ZFAND3: variants seen among roughly 807,000 people sequenced by gnomAD.
ZFAND3 encodes the protein AN1-type zinc finger protein 3.
ZFAND3 carries 10 observed loss-of-function variants against 29.6 expected under a neutral mutation model. The observed-to-expected ratio is 0.34, with a 90% CI of 0.21 to 0.57. The LOEUF (loss-of-function observed/expected upper bound fraction) is 0.57. ZFAND3 is among the 20% of genes least tolerant of loss of function. The pLI is 0.86. For synonymous variants in ZFAND3, 128 were observed against 112.6 expected (o/e 1.14, Z -0.87); for missense variants, 230 against 304.5 (o/e 0.76, Z 1.82).
chr6:37,910,221 A>C (rs2127404653), intron 1 of ZFAND3, among the ~76,000 whole-genome samples: 1 of 152,356 alleles, frequency 6.6e-6, no homozygotes, highest in South Asian at 2.1e-4. Context: ...GTTACTTGAC[A>C]GTTCCTTGCC....
intron 1 of ZFAND3, among the ~76,000 whole-genome samples, chr6:37,834,795 AAT>A (rs1357424349): frequency 2.0e-5 from 3 of 151,692 alleles, no homozygotes; most frequent in African/African-American, 7.3e-5. Context: ...ATGCATATAT[AAT>A]GATATATGCT....
At chr6:37,916,533 G>C (rs1360682542) in intron 1 of ZFAND3, among the ~76,000 whole-genome samples, 1 of 152,104 alleles carries the variant, frequency 6.6e-6, no homozygotes, top group East Asian at 1.9e-4. Flanking sequence ...GGTGGCACGT[G>C]CCTGTAATCC....
At chr6:37,845,143 A>G (rs1287197064) in intron 1 of ZFAND3, among the ~76,000 whole-genome samples, 1 of 152,096 alleles carries the variant, frequency 6.6e-6, no homozygotes, top group Non-Finnish European at 1.5e-5. Context: ...GCCCAGATTC[A>G]AGAGAAGGAG....
intron 2 of ZFAND3, among the ~76,000 whole-genome samples, chr6:37,977,778 T>G (rs1205852764): frequency 8.8e-6 from 1 of 113,256 alleles, no homozygotes; most frequent in African/African-American, 4.0e-5. Context: ...GAGTTTTTTG[T>G]TTTTTTTTTT....
At chr6:38,042,772 A>T (rs527313089) in intron 2 of ZFAND3, among the ~76,000 whole-genome samples, 240 of 152,320 alleles carry the variant, frequency 1.6e-3, no homozygotes, top group African/African-American at 5.5e-3. Context: ...AACTAGGTTT[A>T]TAGGGTGTAT....
chr6:37,835,513 A>G (rs1332570151), intron 1 of ZFAND3, among the ~76,000 whole-genome samples: 1 of 146,568 alleles, frequency 6.8e-6, no homozygotes, highest in Non-Finnish European at 1.5e-5. Flanking sequence ...CCTTTTTTAG[A>G]TAGCATGTAC....
At chr6:37,896,562 C>CTTTCTTTCTTTCTT (rs1554153806) in intron 1 of ZFAND3, among the ~76,000 whole-genome samples, 1 of 135,340 alleles carries the variant, frequency 7.4e-6, no homozygotes, top group Non-Finnish European at 1.6e-5. Context: ...TTCTTTCTTT[C>CTTTCTTTCTTTCTT]TTTCTTTCTC....
At chr6:38,053,331 G>A (rs1350575946) in intron 2 of ZFAND3, among the ~76,000 whole-genome samples, 1 of 146,844 alleles carries the variant, frequency 6.8e-6, no homozygotes, top group Non-Finnish European at 1.5e-5. Context: ...CAATCATTGT[G>A]GTTGCTTTGT....
intron 4 of ZFAND3, among the ~76,000 whole-genome samples, chr6:38,097,237 G>T (rs1370856311): frequency 6.7e-6 from 1 of 148,526 alleles, no homozygotes; most frequent in Admixed American, 6.7e-5. Context: ...CAGCACACCC[G>T]GTTAATTTTT....
At chr6:37,988,771 A>G (rs1165633257) in intron 2 of ZFAND3, among the ~76,000 whole-genome samples, 1 of 151,990 alleles carries the variant, frequency 6.6e-6, no homozygotes, top group African/African-American at 2.4e-5. Flanking sequence ...CCTCCTTCCA[A>G]CATTATTGAA....
intron 4 of ZFAND3, among the ~76,000 whole-genome samples, chr6:38,101,413 G>T (rs1000378606): frequency 3.9e-5 from 6 of 152,174 alleles, no homozygotes; most frequent in Non-Finnish European, 7.4e-5. Flanking sequence ...GGCACTCTGT[G>T]TCATAATATA....
chr6:38,076,855 T>G (rs898312260), intron 3 of ZFAND3, among the ~76,000 whole-genome samples: 1 of 152,164 alleles, frequency 6.6e-6, no homozygotes, highest in Non-Finnish European at 1.5e-5. Context: ...GGTTGGAGAT[T>G]AGGGTTTTCT....
chr6:37,907,726 T>C (rs1765435025), intron 1 of ZFAND3, among the ~76,000 whole-genome samples: 1 of 152,238 alleles, frequency 6.6e-6, no homozygotes, highest in African/African-American at 2.4e-5. Flanking sequence ...CAACTTTTTA[T>C]TTTGAAAAAT....
At chr6:38,084,187 T>C (rs545116496) in intron 4 of ZFAND3, among the ~76,000 whole-genome samples, 1 of 152,274 alleles carries the variant, frequency 6.6e-6, no homozygotes, top group South Asian at 2.1e-4. Context: ...CTAACCAGAC[T>C]GTGGAAAAGC....
chr6:38,011,325 G>A (rs1229806520), intron 2 of ZFAND3, among the ~76,000 whole-genome samples: 1 of 152,070 alleles, frequency 6.6e-6, no homozygotes, highest in African/African-American at 2.4e-5. Context: ...GTAGAATTTT[G>A]GGGTTGTATG....
intron 1 of ZFAND3, among the ~76,000 whole-genome samples, chr6:37,894,575 T>A (rs1026827654): frequency 6.6e-6 from 1 of 152,146 alleles, no homozygotes; most frequent in Admixed American, 6.5e-5. Context: ...TCTCTCTATG[T>A]TGTCCAGGCT....
intron 2 of ZFAND3, among the ~76,000 whole-genome samples, chr6:37,942,359 G>C (rs1761826447): frequency 6.6e-6 from 1 of 151,948 alleles, no homozygotes; most frequent in Admixed American, 6.6e-5. Flanking sequence ...AAATTTAAAA[G>C]TTTGTCATTA....
chr6:38,152,532 T>A lies in ZFAND3; in HGVS notation c.*143T>A. 1 of 1,355,438 alleles carries A rather than the reference T, an allele frequency of 7.4e-7. No homozygotes were observed. Among genetic ancestry groups the A allele is most frequent in the Non-Finnish European group, 9.5e-7 (1 of 1,054,496 alleles). The allele number at this position is 1,355,438 out of a possible 1,614,324, so 84.0% of individuals were successfully genotyped here. A position where few individuals can be genotyped will look rare whatever the true frequency, so the allele number is the denominator to read the frequency against. Reference sequence around the variant, plus strand: ...TCCTTTCTTTAGCCAGCCATCCTGGTACTGTAGTTTAGGGGTTGATGGTGG... The same window carrying A: ...TCCTTTCTTTAGCCAGCCATCCTGGAACTGTAGTTTAGGGGTTGATGGTGG... On this transcript the variant is annotated 3_prime_UTR_variant, in exon 6 of 6. Coordinates refer to ENST00000287218, the MANE Select transcript of ZFAND3 (RefSeq NM_021943.3).
chr6:37,915,750 A>T (rs564418991), intron 1 of ZFAND3: 3 of 152,106 alleles, frequency 2.0e-5, no homozygotes, highest in Non-Finnish European at 4.4e-5. Context: ...CCCTGATGCT[A>T]TGTGTTTTTA....
Sources: allele counts gnomAD v4.1 joint callset (sites outside exome capture counted in the v4.1 genomes callset), GRCh38; gene constraint gnomAD v4.1.1; transcripts MANE v1.5; gene names NCBI Gene and HGNC (gene_info 2026-07-23, HGNC 2026-07-21).